PTP4A2: variants seen among roughly 807,000 people sequenced by gnomAD.
PTP4A2 encodes the protein protein tyrosine phosphatase 4A2, also known as protein tyrosine phosphatase type IVA 2.
Under a neutral mutation model 22.9 loss-of-function variants are expected in PTP4A2, and 2 were observed. That is an observed-to-expected ratio of 0.09 (90% CI 0.04 to 0.27). The LOEUF is 0.27. Ranked by LOEUF, PTP4A2 falls within the 10% of genes least tolerant of loss-of-function variation. PTP4A2 has a pLI of 1.00. For missense variants in PTP4A2, 103 were observed against 205.1 expected (o/e 0.50, Z 3.04); for synonymous variants, 68 against 69.1 (o/e 0.98, Z 0.08).
rs1652822610 is a variant in PTP4A2 at position 31,933,681 on chromosome 1, C to T, written c.-594+4306G>A. ...GAGGCTGCAGTGAGCTGAGGTTGCA[C>T]CACTGCACTCCAGCCTGGGCAACAG... On this transcript the variant is annotated intron_variant, in intron 1 of 5. Transcript: ENST00000647444. 2.0e-5 allele frequency: 3 copies of T among 152,134 alleles called. No homozygotes were observed. In the South Asian group the frequency reaches 6.2e-4, roughly 32 times the overall value. 9.4% of individuals were successfully genotyped at this position (152,134 alleles called of 1,614,324 possible).
intron 1 of PTP4A2, among the ~76,000 whole-genome samples, chr1:31,926,971 T>C (rs1365771946): frequency 6.6e-6 from 1 of 152,086 alleles, no homozygotes; most frequent in East Asian, 1.9e-4. Flanking sequence ...GCAAAGGTTA[T>C]GAGGTGGGGA....
intron 1 of PTP4A2, among the ~76,000 whole-genome samples, chr1:31,922,048 G>A (rs936035621): frequency 6.6e-6 from 1 of 152,002 alleles, no homozygotes; most frequent in Admixed American, 6.6e-5. Context: ...ACATTCCATC[G>A]CTCTTCCTAC....
chr1:31,918,049 A>T (rs1429953044), intron 2 of PTP4A2, among the ~76,000 whole-genome samples: 2 of 151,732 alleles, frequency 1.3e-5, no homozygotes, highest in Non-Finnish European at 2.9e-5. Context: ...GGAGATCAAG[A>T]CCATCCTGGC....
intron 1 of PTP4A2, among the ~76,000 whole-genome samples, chr1:31,936,520 T>C (rs1240435311): frequency 6.6e-6 from 1 of 152,198 alleles, no homozygotes; most frequent in Non-Finnish European, 1.5e-5. Flanking sequence ...TACCAACTTC[T>C]AGGAGACATT....
In PTP4A2 at chr1:31,915,955, A is replaced by T; in HGVS notation, c.129T>A (p.Val43=). Residue 43 remains valine (V), a synonymous_variant, in exon 3 of 6, where the codon GTT becomes GTA. Coordinates refer to ENST00000647444, the MANE Select transcript of PTP4A2 (RefSeq NM_080391.4). ...ELKKYGVTTL[V]RVCDATYDKA... ...TATCATATGTAGCATCACAAACTCG[A>T]ACCAAAGTCGTCACTCCATACTTCT... 6.2e-7 allele frequency: 1 copy of T among 1,607,768 alleles called. No individual in the cohort carries two copies. The highest frequency in any genetic ancestry group is 8.5e-7 in the Non-Finnish European group (1 of 1,177,134).
chr1:31,937,653 C>T (rs951221180), intron 1 of PTP4A2: 1 of 152,970 alleles, frequency 6.5e-6, no homozygotes. Context: ...CCATACCCTC[C>T]CCTGCCCTCA....
chr1:31,937,635 CCA>C (rs1016022360), intron 1 of PTP4A2: 2 of 152,428 alleles, frequency 1.3e-5, no homozygotes, highest in African/African-American at 4.9e-5. Context: ...CACACGCTCC[CCA>C]CACACCCATA....
intron 1 of PTP4A2, among the ~76,000 whole-genome samples, chr1:31,934,885 T>C (rs978504687): frequency 1.3e-5 from 2 of 152,218 alleles, no homozygotes; most frequent in African/African-American, 4.8e-5. Flanking sequence ...GGCCTGACTT[T>C]TGCTGTTCTG....
chr1:31,907,704 T>G lies in PTP4A2; in HGVS notation c.*1148A>C, dbSNP rs1250902587. Reference sequence around the variant, plus strand: ...CGAAAATATGTGAATTTGCTGCTGCTCCTTTGACGGTTCCTGAAAATTCAG... The same window carrying G: ...CGAAAATATGTGAATTTGCTGCTGCGCCTTTGACGGTTCCTGAAAATTCAG... On this transcript the variant is annotated 3_prime_UTR_variant, in exon 6 of 6. Coordinates refer to ENST00000647444, the MANE Select transcript of PTP4A2 (RefSeq NM_080391.4). 1 of 152,124 alleles carries G rather than the reference T, an allele frequency of 6.6e-6. No homozygotes were observed. Among genetic ancestry groups the G allele is most frequent in the Non-Finnish European group, 1.5e-5 (1 of 68,034 alleles). 9.4% of individuals were successfully genotyped at this position (152,124 alleles called of 1,614,324 possible). A position where few individuals can be genotyped will look rare whatever the true frequency, so the allele number is the denominator to read the frequency against.
Position 31,910,021 on chromosome 1 carries a change from A to AAAAACTTCAT in PTP4A2, c.395+7_395+16dup. On this transcript the variant is annotated intron_variant, in intron 5 of 5. Coordinates refer to ENST00000647444, the MANE Select transcript of PTP4A2 (RefSeq NM_080391.4). ...TCTTGCTTTCTGTGTTTCTGAACACAAAAACTTCATACTCACTGTCTTATA... is the reference window on the plus strand; with the variant it reads ...TCTTGCTTTCTGTGTTTCTGAACACAAAAACTTCATAAAACTTCATACTCACTGTCTTATA... 1.3e-6 allele frequency: 2 copies of AAAAACTTCAT among 1,585,126 alleles called. No individual in the cohort carries two copies. The highest frequency in any genetic ancestry group is 1.7e-6 in the Non-Finnish European group (2 of 1,159,726).
At chr1:31,917,727 G>GC (rs1309864486) in intron 2 of PTP4A2, among the ~76,000 whole-genome samples, 2 of 152,174 alleles carry the variant, frequency 1.3e-5, no homozygotes, top group Non-Finnish European at 2.9e-5. Flanking sequence ...TGTAATCCCA[G>GC]CATTTTGGGA....
intron 1 of PTP4A2, among the ~76,000 whole-genome samples, chr1:31,928,653 T>G (rs953711726): frequency 1.5e-5 from 2 of 137,758 alleles, no homozygotes; most frequent in Non-Finnish European, 3.0e-5. Context: ...GCCAAGATCG[T>G]GCCACTGTAC....
intron 3 of PTP4A2, 76 bp from the exon 4 acceptor site, chr1:31,911,902 C>A: frequency 8.6e-7 from 1 of 1,161,748 alleles, no homozygotes; most frequent in African/African-American, 1.6e-5. Flanking sequence ...TACCTGCACA[C>A]AGTACACACG....
chr1:31,913,848 C>T, intron 3 of PTP4A2: 1 of 456,242 alleles, frequency 2.2e-6, no homozygotes, highest in South Asian at 1.5e-5. Flanking sequence ...TGCCATCTGT[C>T]AAAACAAGTT....
intron 1 of PTP4A2, among the ~76,000 whole-genome samples, chr1:31,935,854 G>A (rs906239522): frequency 6.6e-6 from 1 of 151,842 alleles, no homozygotes; most frequent in African/African-American, 2.4e-5. Context: ...TTTTGAGAGA[G>A]GGTCTCACTG....
intron 1 of PTP4A2, chr1:31,931,124 A>C (rs1652707773): frequency 6.6e-6 from 1 of 152,240 alleles, no homozygotes; most frequent in South Asian, 2.1e-4. Flanking sequence ...TCATACAAAC[A>C]CTATCCAGGA....
intron 1 of PTP4A2, among the ~76,000 whole-genome samples, chr1:31,931,760 CAT>C (rs748755699): frequency 2.6e-5 from 4 of 152,198 alleles, no homozygotes; most frequent in Admixed American, 6.5e-5. Flanking sequence ...TGTAACCACA[CAT>C]GTGGAATGAA....
chr1:31,918,121 T>A (rs1569601035), intron 2 of PTP4A2, among the ~76,000 whole-genome samples: 1 of 151,008 alleles, frequency 6.6e-6, no homozygotes, highest in African/African-American at 2.4e-5. Flanking sequence ...TGGTGGCAGG[T>A]GCCTGTAGTC....
chr1:31,930,850 A>T (rs1195912070), intron 1 of PTP4A2: 1 of 152,214 alleles, frequency 6.6e-6, no homozygotes, highest in Non-Finnish European at 1.5e-5. Context: ...GTGAAAGTAA[A>T]TATTTCATAC....
Sources: gnomAD v4.1 joint callset for allele counts (sites outside exome capture counted in the v4.1 genomes callset) on GRCh38, gnomAD v4.1.1 for gene constraint, MANE v1.5 for transcripts, NCBI Gene and HGNC (gene_info 2026-07-23, HGNC 2026-07-21) for gene names.